The following PPP2R2B variants were observed in gnomAD, a reference collection of about 807,000 sequenced individuals.
The protein encoded by PPP2R2B is protein phosphatase 2 regulatory subunit Bbeta.
PPP2R2B carries 5 observed loss-of-function variants against 46.0 expected under a neutral mutation model. That is an observed-to-expected ratio of 0.11 (90% confidence interval 0.06 to 0.23). The LOEUF (loss-of-function observed/expected upper bound fraction) is 0.23, where lower values mean the gene tolerates loss of function less well. PPP2R2B is among the 10% of genes least tolerant of loss of function. PPP2R2B has a pLI of 1.00. For missense variants in PPP2R2B, 367 were observed against 575.0 expected (o/e 0.64, Z 3.70); for synonymous variants, 215 against 206.7 (o/e 1.04, Z -0.34).
At chr5:146,909,029 A>G (rs905971353) in intron 1 of PPP2R2B, among the ~76,000 whole-genome samples, 3 of 152,328 alleles carry the variant, frequency 2.0e-5, no homozygotes, top group South Asian at 2.1e-4. Context: ...CAGCCACCAA[A>G]GAGAAAGCAG....
At chr5:146,882,154 G>T (rs1169200064), upstream of PPP2R2B, among the ~76,000 whole-genome samples, 1 of 151,932 alleles carries the variant, frequency 6.6e-6, no homozygotes, top group Admixed American at 6.6e-5. Context: ...GCACGCGCCT[G>T]TAGTCCCAGC....
At chr5:147,047,368 C>G (rs1478075309) in intron 1 of PPP2R2B, among the ~76,000 whole-genome samples, 13 of 152,070 alleles carry the variant, frequency 8.5e-5, no homozygotes, top group Admixed American at 8.5e-4. Flanking sequence ...CTAATCTGGT[C>G]ACTGTTCATG....
chr5:146,682,884 C>T (rs1486432610), intron 5 of PPP2R2B, among the ~76,000 whole-genome samples: 1 of 152,138 alleles, frequency 6.6e-6, no homozygotes, highest in East Asian at 1.9e-4. Flanking sequence ...ATAATGTTGT[C>T]CTCAGACTGA....
chr5:146,596,381 T>C (rs1771172135), intron 8 of PPP2R2B, among the ~76,000 whole-genome samples: 1 of 144,570 alleles, frequency 6.9e-6, no homozygotes, highest in African/African-American at 2.6e-5. Context: ...TTTCATTAAC[T>C]AATTTCTTTC....
At chr5:146,639,827 T>C (rs1417363351) in intron 6 of PPP2R2B, among the ~76,000 whole-genome samples, 3 of 152,234 alleles carry the variant, frequency 2.0e-5, no homozygotes, top group East Asian at 1.9e-4. Flanking sequence ...ATGGGTTTAA[T>C]AAGGTAGCTA....
intron 1 of PPP2R2B, among the ~76,000 whole-genome samples, chr5:146,885,430 C>G (rs1257260799): frequency 6.6e-6 from 1 of 152,186 alleles, no homozygotes; most frequent in African/African-American, 2.4e-5. Context: ...TTACTTGTCT[C>G]TCTTAGGGAT....
chr5:146,840,228 TATACATAACAAACATTTA>T (rs772477853), intron 2 of PPP2R2B, among the ~76,000 whole-genome samples: 19,586 of 152,210 alleles, frequency 0.13, 1,844 homozygotes, highest in East Asian at 0.43. Context: ...TTCCCTTGAA[TATACATAACAAACATTTA>T]ATTGAGTGAC....
intron 2 of PPP2R2B, among the ~76,000 whole-genome samples, chr5:146,808,713 A>G (rs1416863401): frequency 6.6e-6 from 1 of 152,146 alleles, no homozygotes; most frequent in African/African-American, 2.4e-5. Context: ...AAGAAAGTCC[A>G]ATCAGGCAAG....
At chr5:146,635,831 G>T (rs1774781259) in intron 7 of PPP2R2B, among the ~76,000 whole-genome samples, 1 of 152,140 alleles carries the variant, frequency 6.6e-6, no homozygotes, top group Non-Finnish European at 1.5e-5. Context: ...TATGTGTCAG[G>T]GGTTCATATA....
chr5:146,626,631 T>C (rs900050754), intron 7 of PPP2R2B, among the ~76,000 whole-genome samples: 1 of 152,156 alleles, frequency 6.6e-6, no homozygotes, highest in Admixed American at 6.6e-5. Flanking sequence ...GCTGCTTTGC[T>C]AGTGATAGCT....
intron 2 of PPP2R2B, among the ~76,000 whole-genome samples, chr5:146,836,125 T>C (rs1437664590): frequency 6.6e-6 from 1 of 152,182 alleles, no homozygotes; most frequent in East Asian, 1.9e-4. Context: ...TAACAGAAAA[T>C]TCCCTATAAG....
Position 146,716,554 on chromosome 5 carries a change from T to G in PPP2R2B, c.71-15412A>C, listed in dbSNP as rs540651344. 1.1e-3 allele frequency among the ~76,000 whole-genome samples: 161 copies of G among 152,310 alleles called. 1 individual carries two copies. The highest frequency in any genetic ancestry group is 3.8e-3 in the African/African-American group (160 of 41,582). On this transcript the variant is annotated intron_variant, in intron 2 of 9. Transcript: ENST00000394411. ...TAAATCCTTTCCCCATAAATATGCA[T>G]GTACTTATATTTGTGAAATTCTGCA...
chr5:146,994,833 G>T (rs1266684919), intron 1 of PPP2R2B, among the ~76,000 whole-genome samples: 4 of 152,220 alleles, frequency 2.6e-5, no homozygotes, highest in African/African-American at 7.2e-5. Flanking sequence ...TGCAGTGGTA[G>T]TCAAGACAGA....
intron 1 of PPP2R2B, among the ~76,000 whole-genome samples, chr5:147,053,454 C>T (rs1756927673): frequency 1.3e-5 from 2 of 151,868 alleles, no homozygotes; most frequent in Admixed American, 1.3e-4. Flanking sequence ...ACTATTCATT[C>T]TGCACTTTTT....
intron 8 of PPP2R2B, among the ~76,000 whole-genome samples, chr5:146,597,860 T>C (rs1425485763): frequency 2.0e-5 from 3 of 152,224 alleles, no homozygotes; most frequent in Admixed American, 1.3e-4. Context: ...CTTCCTTTGA[T>C]AGATGAATTA....
chr5:146,923,695 T>C (rs1271496909), intron 1 of PPP2R2B, among the ~76,000 whole-genome samples: 1 of 152,130 alleles, frequency 6.6e-6, no homozygotes, highest in Non-Finnish European at 1.5e-5. Context: ...GAAATACCAT[T>C]TGACCCAGCA....
At chr5:146,873,126 C>A (rs188341962) in intron 2 of PPP2R2B, among the ~76,000 whole-genome samples, 66 of 152,286 alleles carry the variant, frequency 4.3e-4, no homozygotes, top group African/African-American at 1.5e-3. Context: ...TTTAGTGATG[C>A]GCCCCATTAT....
chr5:146,643,308 T>C (rs1392289037), intron 6 of PPP2R2B, among the ~76,000 whole-genome samples: 1 of 152,086 alleles, frequency 6.6e-6, no homozygotes, highest in Non-Finnish European at 1.5e-5. Context: ...GTGCAGGAGA[T>C]ACAGTAGTGA....
At chr5:147,055,927 G>A in exon 1 of PPP2R2B, 1 of 1,424,266 alleles carries the variant, frequency 7.0e-7, no homozygotes, top group Non-Finnish European at 9.1e-7. Context: ...GCGCCAGGAA[G>A]CACTGCCTTA....
Sources: gnomAD v4.1 joint callset for allele counts (sites outside exome capture counted in the v4.1 genomes callset) on GRCh38, gnomAD v4.1.1 for gene constraint, MANE v1.5 for transcripts, NCBI Gene and HGNC (gene_info 2026-07-23, HGNC 2026-07-21) for gene names.